Variants in FZD5 observed in about 807,000 individuals in gnomAD.
FZD5 encodes the protein frizzled-5.
FZD5 carries 12 observed loss-of-function variants against 40.8 expected under a neutral mutation model. The ratio of observed to expected loss-of-function variants is 0.29; its 90% CI spans 0.19 to 0.48. The LOEUF (loss-of-function observed/expected upper bound fraction) is 0.48. FZD5 is among the 20% of genes least tolerant of loss of function. The pLI, the probability that FZD5 is intolerant of heterozygous loss-of-function variation, is 0.99. For synonymous variants in FZD5, 380 were observed against 383.7 expected (o/e 0.99, Z 0.11); for missense variants, 622 against 832.8 (o/e 0.75, Z 3.12).
chr2:207,767,327 C>T lies in FZD5; in HGVS notation c.1413G>A (p.Glu471=). 1 of 1,612,054 alleles carries T rather than the reference C, an allele frequency of 6.2e-7. No individual in the cohort carries two copies. The highest frequency in any genetic ancestry group is 1.3e-5 in the African/African-American group (1 of 75,068). The change falls in exon 2 of 2, where the codon GAG becomes GAA. Residue 471 remains glutamate (E), a synonymous_variant. Coordinates refer to ENST00000295417, the MANE Select transcript of FZD5 (RefSeq NM_003468.4). ...CCTCCCAGCTCTCGCGGTAGTGCTG[C>T]TCGTACAGGTAGCAGGCCACCACAA... The part of the protein sequence containing the change: ...ASIVVACYLY[E]QHYRESWEAA...
rs960064148 is a variant in FZD5, at chr2:207,769,866, G to A, written c.-857C>T. Among the ~76,000 whole-genome samples, 2 of 152,036 alleles carry A rather than the reference G, an allele frequency of 1.3e-5. No homozygotes were observed. The highest frequency in any genetic ancestry group is 1.3e-4 in the Admixed American group (2 of 15,266). On this transcript the variant is annotated 5_prime_UTR_variant, in exon 1 of 2. Coordinates refer to ENST00000295417, the MANE Select transcript of FZD5 (RefSeq NM_003468.4). ...GGCGAGCACGGAACCGCGCGCGGCG[G>A]CGACCACAGCGGACTCACGGCCGCA... is the stretch of plus-strand genomic sequence containing the variant.
At position 207,762,627 on chromosome 2, in the gene FZD5, C is replaced by A. The variant is rs918521779; in HGVS notation, c.*4355G>T. 1.3e-5 allele frequency: 2 copies of A among 152,566 alleles called. No homozygotes were observed. Among genetic ancestry groups the A allele is most frequent in the African/African-American group, 2.4e-5 (1 of 41,436 alleles). The allele number at this position is 152,566 out of a possible 1,614,324, so 9.5% of individuals were successfully genotyped here. On this transcript the variant is annotated 3_prime_UTR_variant, in exon 2 of 2. Coordinates refer to ENST00000295417, the MANE Select transcript of FZD5 (RefSeq NM_003468.4). ...TATTGTCTTTACCATTACTTTAATG[C>A]ATTTTAAAATTTATCTACATTAATT...
chr2:207,767,602 A>T lies in FZD5; in HGVS notation c.1138T>A (p.Ser380Thr). 1 of 1,612,708 alleles carries T rather than the reference A, an allele frequency of 6.2e-7. No individual in the cohort carries two copies. Among genetic ancestry groups the T allele is most frequent in the African/African-American group, 1.3e-5 (1 of 75,046 alleles). Reference sequence around the variant, plus strand: ...CCGGCCACTGGGTCCCCGTCCACGGAGCTCAGCGCCAGTGCCGTGATGGAC... The same window carrying T: ...CCGGCCACTGGGTCCCCGTCCACGGTGCTCAGCGCCAGTGCCGTGATGGAC... Reference protein sequence around the residue: ...VKSITALALSSVDGDPVAGIC... With the variant: ...VKSITALALSTVDGDPVAGIC... Residue 380 changes from serine (S) to threonine (T), a missense_variant, in exon 2 of 2, where the codon TCC becomes ACC. Ser to Thr is a moderately conservative substitution (Grantham distance 58). Coordinates refer to ENST00000295417, the MANE Select transcript of FZD5 (RefSeq NM_003468.4).
chr2:207,768,160 C>G lies in FZD5; in HGVS notation c.580G>C (p.Glu194Gln), dbSNP rs2091990333. 3 of 1,608,394 alleles carry G rather than the reference C, an allele frequency of 1.9e-6. No individual in the cohort carries two copies. The highest frequency in any genetic ancestry group is 2.5e-6 in the Non-Finnish European group (3 of 1,179,522). Residue 194 changes from glutamate (E) to glutamine (Q), a missense_variant, in exon 2 of 2, where the codon GAG becomes CAG. By Grantham distance (29) the Glu-to-Gln change is conservative. This residue lies in a region of FZD5 where 116 missense variants were observed against 117.7 expected (regional missense o/e 0.99). Coordinates refer to ENST00000295417, the MANE Select transcript of FZD5 (RefSeq NM_003468.4). ...AGGPFVCKCR[E>Q]PFVPILKESH... is the part of the protein sequence containing the mutation. ...TCCTTCAGAATGGGCACGAAGGGCT[C>G]GCGACACTTGCACACGAACGGGCCC...
Position 207,767,192 on chromosome 2 carries a change from C to T in FZD5, c.1548G>A (p.Thr516=). Residue 516 remains threonine, a synonymous_variant, in exon 2 of 2, where the codon ACG becomes ACA. Coordinates refer to ENST00000295417, the MANE Select transcript of FZD5 (RefSeq NM_003468.4). Reference sequence around the variant, plus strand: ...TGCCCGACCAGATCCAGACGCCCGACGTGATGCCCACCACCAGGCACATGA... The same window carrying T: ...TGCCCGACCAGATCCAGACGCCCGATGTGATGCCCACCACCAGGCACATGA... ...KYFMCLVVGI[T]SGVWIWSGKT... is the part of the protein sequence containing the mutation. 1.9e-6 allele frequency: 3 copies of T among 1,603,990 alleles called. No homozygotes were observed. The highest frequency in any genetic ancestry group is 1.3e-5 in the African/African-American group (1 of 74,736).
At position 207,768,295 on chromosome 2, in the gene FZD5, C is replaced by A; in HGVS notation, c.445G>T (p.Asp149Tyr). 6.5e-7 allele frequency: 1 copy of A among 1,544,366 alleles called. No homozygotes were observed. The highest frequency in any genetic ancestry group is 8.7e-7 in the Non-Finnish European group (1 of 1,150,028). ...GTGGTGGCCTCGCTGCGGTTGTAAT[C>A]CATGCAGAGGACCTCGGCGTCGCGG... ...LGRDAEVLCM[D>Y]YNRSEATTAP... The change falls in exon 2 of 2, where the codon GAT becomes TAT. Residue 149 changes from aspartate (D) to tyrosine (Y), a missense_variant. By Grantham distance (160) the Asp-to-Tyr change is radical (BLOSUM62 -3). This residue lies in a region of FZD5 where 116 missense variants were observed against 117.7 expected (regional missense o/e 0.99). Coordinates refer to ENST00000295417, the MANE Select transcript of FZD5 (RefSeq NM_003468.4).
Position 207,768,090 on chromosome 2 carries a change from T to G in FZD5, c.650A>C (p.Asn217Thr). 6.2e-7 allele frequency: 1 copy of G among 1,613,550 alleles called. No individual in the cohort carries two copies. Among genetic ancestry groups the G allele is most frequent in the South Asian group, 1.1e-5 (1 of 90,980 alleles). The change falls in exon 2 of 2, where the codon AAC (asparagine) becomes ACC (threonine). Residue 217 changes from asparagine (N) to threonine (T), a missense_variant. By Grantham distance (65) the Asn-to-Thr change is moderately conservative (BLOSUM62 0). Transcript: ENST00000295417. ...CGGCTGGTAGCAGGGTACCGCGCAGTTGGGCACCTGGCCCGTCCGCACCTT... is the reference window on the plus strand; with the variant it reads ...CGGCTGGTAGCAGGGTACCGCGCAGGTGGGCACCTGGCCCGTCCGCACCTT... ...YNKVRTGQVP[N>T]CAVPCYQPSF...
At position 207,768,820 on chromosome 2, in the gene FZD5, C is replaced by T. The variant is rs2091996033; in HGVS notation, c.-81G>A. The stretch of plus-strand genomic sequence containing the variant: ...GAATCCGGGCCGGGGCTTCTCCCTC[C>T]GGCGTCTCGTGTGTGGCGCCGGGGC... On this transcript the variant is annotated 5_prime_UTR_variant, in exon 2 of 2. Transcript: ENST00000295417. 3.3e-6 allele frequency: 4 copies of T among 1,195,286 alleles called. No homozygotes were observed. The highest frequency in any genetic ancestry group is 3.1e-5 in the African/African-American group (2 of 63,640). 74.0% of individuals were successfully genotyped at this position (1,195,286 alleles called of 1,614,324 possible).
Position 207,765,675 on chromosome 2 carries a change from G to A in FZD5, c.*1307C>T, listed in dbSNP as rs1013696626. 3.3e-5 allele frequency: 5 copies of A among 152,540 alleles called. No homozygotes were observed. The highest frequency in any genetic ancestry group is 7.2e-5 in the African/African-American group (3 of 41,412). 9.4% of individuals were successfully genotyped at this position (152,540 alleles called of 1,614,324 possible). A position where few individuals can be genotyped will look rare whatever the true frequency, so the allele number is the denominator to read the frequency against. On this transcript the variant is annotated 3_prime_UTR_variant, in exon 2 of 2. Coordinates refer to ENST00000295417, the MANE Select transcript of FZD5 (RefSeq NM_003468.4). ...ATGCATCTCTTTTGTTTTCAGAGAC[G>A]GCAGAGAGCAACGTCTTGCTGCTCT...
At position 207,767,267 on chromosome 2, in the gene FZD5, G is replaced by T. The variant is rs148996330; in HGVS notation, c.1473C>A (p.Thr491=). 1.6e-5 allele frequency: 26 copies of T among 1,610,988 alleles called. No individual in the cohort carries two copies. Among genetic ancestry groups the T allele is most frequent in the South Asian group, 1.1e-4 (10 of 90,878 alleles). ...ALTCACPGHD[T]GQPRAKPEYW... ...ACTCGGGCTTGGCGCGCGGCTGGCC[G>T]GTGTCGTGGCCCGGGCAGGCGCAGG... Residue 491 remains threonine (T), a synonymous_variant, in exon 2 of 2, where the codon ACC becomes ACA. Transcript: ENST00000295417.
chr2:207,767,677 C>A lies in FZD5; in HGVS notation c.1063G>T (p.Gly355Cys), dbSNP rs746351401. ...GMKWGNEAIA[G>C]YAQYFHLAAW... ...GCCAGGTGGAAGTACTGCGCGTAGCCCGCGATGGCCTCGTTGCCCCACTTC... is the reference window on the plus strand; with the variant it reads ...GCCAGGTGGAAGTACTGCGCGTAGCACGCGATGGCCTCGTTGCCCCACTTC... The change falls in exon 2 of 2, where the codon GGC (glycine) becomes TGC (cysteine). Residue 355 changes from glycine (G) to cysteine (C), a missense_variant. This residue lies in a region of FZD5 where 208 missense variants were observed against 348.9 expected (regional missense o/e 0.60). Coordinates refer to ENST00000295417, the MANE Select transcript of FZD5 (RefSeq NM_003468.4). The A allele has an allele frequency of 3.1e-6, 5 of 1,613,690 alleles. No homozygotes were observed. The South Asian group carries it at 5.5e-5, about 18-fold the overall frequency.
Position 207,767,728 on chromosome 2 carries a change from G to A in FZD5, c.1012C>T (p.Leu338Phe), listed in dbSNP as rs1436620066. ...ATGCCGGCGGCCAGGAACCAGGTGA[G>A]CGACAGGATGACCCACCAGATGGAG... The part of the protein sequence containing the change: ...ASSIWWVILS[L>F]TWFLAAGMKW... The change falls in exon 2 of 2, where the codon CTC becomes TTC. Residue 338 changes from leucine (L) to phenylalanine (F), a missense_variant. By Grantham distance (22) the Leu-to-Phe change is conservative. Coordinates refer to ENST00000295417, the MANE Select transcript of FZD5 (RefSeq NM_003468.4). The A allele has an allele frequency of 1.9e-6, 3 of 1,614,164 alleles. No individual in the cohort carries two copies. Among genetic ancestry groups the A allele is most frequent in the Non-Finnish European group, 2.5e-6 (3 of 1,180,010 alleles).
In FZD5 at chr2:207,766,864, T is replaced by G; in HGVS notation, c.*118A>C. ...AACGCCCCTCTTCCCTCTCTCCAAG[T>G]CGCCGCGGGAGGGGGCAACAGCACC... On this transcript the variant is annotated 3_prime_UTR_variant, in exon 2 of 2. Coordinates refer to ENST00000295417, the MANE Select transcript of FZD5 (RefSeq NM_003468.4). The G allele has an allele frequency of 1.2e-6, 1 of 804,352 alleles. No individual in the cohort carries two copies. The highest frequency in any genetic ancestry group is 1.8e-6 in the Non-Finnish European group (1 of 552,622). The allele number at this position is 804,352 out of a possible 1,614,324, so 49.8% of individuals were successfully genotyped here.
chr2:207,764,719 T>C lies in FZD5; in HGVS notation c.*2263A>G, dbSNP rs1272946733. 6.6e-6 allele frequency: 1 copy of C among 152,252 alleles called. No individual in the cohort carries two copies. Among genetic ancestry groups the C allele is most frequent in the African/African-American group, 2.4e-5 (1 of 41,468 alleles). The allele number at this position is 152,252 out of a possible 1,614,324, so 9.4% of individuals were successfully genotyped here. On this transcript the variant is annotated 3_prime_UTR_variant, in exon 2 of 2. Coordinates refer to ENST00000295417, the MANE Select transcript of FZD5 (RefSeq NM_003468.4). The stretch of plus-strand genomic sequence containing the variant: ...TTCATCCCACAACTTTTGGATACAC[T>C]GTGCATCATTTCCAGATTTCTCCAC...
chr2:207,768,718 C>G lies in FZD5; in HGVS notation c.22G>C (p.Ala8Pro). 1.3e-6 allele frequency: 2 copies of G among 1,588,020 alleles called. No individual in the cohort carries two copies. The highest frequency in any genetic ancestry group is 1.7e-6 in the Non-Finnish European group (2 of 1,168,088). Reference sequence around the variant, plus strand: ...AGCAGCAGCAACAGCGAGGGCGGCGCGGATGGGTCAGGCCGAGCCATCGCC... The same window carrying G: ...AGCAGCAGCAACAGCGAGGGCGGCGGGGATGGGTCAGGCCGAGCCATCGCC... MARPDPSAPPSLLLLLLA... is the reference protein window; with the variant it reads MARPDPSPPPSLLLLLLA... Residue 8 changes from alanine to proline, a missense_variant, in exon 2 of 2, where the codon GCG becomes CCG. Transcript: ENST00000295417.
rs2091986946 is a variant in FZD5 at position 207,767,633 on chromosome 2, G to A, written c.1107C>T (p.Ser369=). 5 of 1,613,076 alleles carry A rather than the reference G, an allele frequency of 3.1e-6. No homozygotes were observed. The highest frequency in any genetic ancestry group is 1.1e-5 in the South Asian group (1 of 90,966). ...GCGCCAGTGCCGTGATGGACTTGAC[G>A]CTGGGGATGAGCCACGCAGCCAGGT... ...YFHLAAWLIP[S]VKSITALALS... is the part of the protein sequence containing the mutation. The change falls in exon 2 of 2, where the codon AGC becomes AGT. Residue 369 remains serine (S), a synonymous_variant. Transcript: ENST00000295417.
chr2:207,769,375 G>GTT lies in FZD5; in HGVS notation c.-368_-367dup, dbSNP rs1161990566. 6.5e-6 allele frequency: 1 copy of GTT among 152,724 alleles called. No homozygotes were observed. The highest frequency in any genetic ancestry group is 1.5e-5 in the Non-Finnish European group (1 of 68,392). The allele number at this position is 152,724 out of a possible 1,614,324, so 9.5% of individuals were successfully genotyped here. Reference sequence around the variant, plus strand: ...TCAGAGCCGGGCTGGCGCCCGGAAAGTTTAGCGACAGGCTGGGTACCCGTG... The same window carrying GTT: ...TCAGAGCCGGGCTGGCGCCCGGAAAGTTTTTAGCGACAGGCTGGGTACCCGTG... On this transcript the variant is annotated 5_prime_UTR_variant, in exon 1 of 2. Transcript: ENST00000295417.
chr2:207,769,420 G>A lies in FZD5; in HGVS notation c.-411C>T, dbSNP rs1300287425. The stretch of plus-strand genomic sequence containing the variant: ...CCCGTGGCAGCGGCACATGGCAGCA[G>A]GTGGGGGCGACTCAGAGTGGGGGGC... On this transcript the variant is annotated 5_prime_UTR_variant, in exon 1 of 2. Coordinates refer to ENST00000295417, the MANE Select transcript of FZD5 (RefSeq NM_003468.4). The A allele has an allele frequency of 1.3e-5, 2 of 152,834 alleles. No individual in the cohort carries two copies. Among genetic ancestry groups the A allele is most frequent in the Non-Finnish European group, 2.9e-5 (2 of 68,496 alleles). The allele number at this position is 152,834 out of a possible 1,614,324, so 9.5% of individuals were successfully genotyped here.
In FZD5 at chr2:207,766,399, G is replaced by A. The variant is rs1219899749; in HGVS notation, c.*583C>T. The A allele has an allele frequency of 1.3e-5, 2 of 152,560 alleles. No individual in the cohort carries two copies. The highest frequency in any genetic ancestry group is 2.9e-5 in the Non-Finnish European group (2 of 68,052). The allele number at this position is 152,560 out of a possible 1,614,324, so 9.5% of individuals were successfully genotyped here. ...CCTTGTCACTTTGGGGAGGCCCTGA[G>A]CTCATTATGCTCCCCTCCTAGGTAT... On this transcript the variant is annotated 3_prime_UTR_variant, in exon 2 of 2. Transcript: ENST00000295417.
Sources: allele counts gnomAD v4.1 joint callset (sites outside exome capture counted in the v4.1 genomes callset), GRCh38; gene constraint gnomAD v4.1.1; regional missense constraint gnomAD v4.1.1; transcripts MANE v1.5; gene names NCBI Gene and HGNC (gene_info 2026-07-23, HGNC 2026-07-21).